NPEPL1: variants seen among roughly 807,000 people sequenced by gnomAD.
NPEPL1 encodes probable aminopeptidase NPEPL1.
In NPEPL1, 45 loss-of-function variants were observed where a neutral mutation model predicts 52.4. The ratio of observed to expected loss-of-function variants is 0.86; its 90% CI spans 0.68 to 1.10. NPEPL1 has a LOEUF of 1.10. Among genes scored for constraint, NPEPL1 ranks in the 50% least tolerant of loss-of-function variants. NPEPL1 has a pLI of 0.00. For missense variants in NPEPL1, 696 were observed against 710.9 expected (o/e 0.98, Z 0.24); for synonymous variants, 360 against 314.7 (o/e 1.14, Z -1.52).
chr20:58,711,093 T>TCCC (rs2084828591), intron 7 of NPEPL1: 1 of 22,768 alleles, frequency 4.4e-5, no homozygotes, highest in African/African-American at 5.4e-4. Context: ...CCGCCTCCTC[T>TCCC]CCTCCTCCTC....
chr20:58,691,364 C>CT (rs59929508), upstream of NPEPL1: 669 of 177,284 alleles, frequency 3.8e-3, 208 homozygotes, highest in East Asian at 5.4e-3. Flanking sequence ...CATTCAACAG[C>CT]TTTTTTTTTT....
chr20:58,712,101 C>CTG (rs1303260270), intron 7 of NPEPL1, among the ~76,000 whole-genome samples: 9 of 98,490 alleles, frequency 9.1e-5, no homozygotes, highest in South Asian at 3.8e-4. Flanking sequence ...TCCTGCCCCT[C>CTG]TGTGTGTGTA....
rs1415130673 is a variant in NPEPL1 at position 58,713,001 on chromosome 20, CAA to C, written c.1002-416_1002-415del. ...CTGAGGAGCAAGTGGCTCCAGAATT[CAA>C]AAGAGAAGAGCCCTCTCCCCAGCCC... On this transcript the variant is annotated intron_variant, in intron 8 of 11. Transcript: ENST00000356091. The surrounding 1 kb of genome is among the most constrained non-coding windows in gnomAD (Gnocchi z 4.6). The C allele has an allele frequency of 1.1e-5, 4 of 370,900 alleles. No individual in the cohort carries two copies. Among genetic ancestry groups the C allele is most frequent in the Admixed American group, 7.4e-5 (2 of 26,868 alleles). The allele number at this position is 370,900 out of a possible 1,614,324, so 23.0% of individuals were successfully genotyped here. A position where few individuals can be genotyped will look rare whatever the true frequency, so the allele number is the denominator to read the frequency against.
At chr20:58,698,912 G>A in intron 4 of NPEPL1, 139 bp downstream of exon 4, 1 of 730,782 alleles carries the variant, frequency 1.4e-6, no homozygotes, top group Non-Finnish European at 2.2e-6. Context: ...GCGGAGCGCT[G>A]CTGTCTGCCG....
chr20:58,691,693 C>CTTTTTTTTTTTTTTTTTTTGTTTTTT, upstream of NPEPL1: 1 of 561,314 alleles, frequency 1.8e-6, no homozygotes. Context: ...TTTTTCTTTT[C>CTTTTTTTTTTTTTTTTTTTGTTTTTT]TTTTTTTTTT....
intron 7 of NPEPL1, among the ~76,000 whole-genome samples, 175 bp downstream of exon 7, chr20:58,707,375 C>T (rs990410265): frequency 1.3e-5 from 2 of 152,240 alleles, no homozygotes; most frequent in Non-Finnish European, 2.9e-5. Flanking sequence ...AGCTTCCCGC[C>T]TTCATCAGAG....
intron 10 of NPEPL1, chr20:58,714,313 C>T (rs2084913551): frequency 3.2e-6 from 2 of 621,896 alleles, no homozygotes; most frequent in Admixed American, 6.5e-5. Context: ...GGTTTCTCCC[C>T]CAGTCTTGGG....
At chr20:58,696,523 G>A (rs1210295115) in intron 3 of NPEPL1, among the ~76,000 whole-genome samples, 2 of 152,258 alleles carry the variant, frequency 1.3e-5, no homozygotes, top group African/African-American at 2.4e-5. Context: ...GATGGAACCA[G>A]TGGGGGCAGT....
At chr20:58,698,517 G>A (rs2084538401) in intron 3 of NPEPL1, among the ~76,000 whole-genome samples, 167 bp from the exon 4 acceptor site, 2 of 152,144 alleles carry the variant, frequency 1.3e-5, no homozygotes, top group Admixed American at 1.3e-4. Context: ...GTTGCTGGGG[G>A]TGGGGCAGGC....
chr20:58,698,833 A>G (rs954695872), intron 4 of NPEPL1, 60 bp downstream of exon 4: 4 of 1,432,740 alleles, frequency 2.8e-6, no homozygotes, highest in East Asian at 2.3e-5. Flanking sequence ...ATAGACTCCC[A>G]GGAGAGCCAG....
intron 6 of NPEPL1, among the ~76,000 whole-genome samples, chr20:58,701,967 C>T (rs1421546640): frequency 6.6e-6 from 1 of 152,200 alleles, no homozygotes; most frequent in Non-Finnish European, 1.5e-5. Flanking sequence ...GCACCATCTC[C>T]ATCCATTCAT....
At chr20:58,691,447 A>G (rs1269033965), upstream of NPEPL1, 1 of 686,836 alleles carries the variant, frequency 1.5e-6, no homozygotes. Context: ...AAAACAACAA[A>G]AAGTCAAAAA....
At chr20:58,712,621 C>A in intron 8 of NPEPL1, 42 bp downstream of exon 8, 1 of 1,404,250 alleles carries the variant, frequency 7.1e-7, no homozygotes, top group South Asian at 1.2e-5. Context: ...ACTGTTGGAA[C>A]TCGCGACCCT....
At chr20:58,691,080 G>C (rs773741031), upstream of NPEPL1, 2 of 703,022 alleles carry the variant, frequency 2.8e-6, no homozygotes, top group South Asian at 1.5e-5. Flanking sequence ...CTTCGCCTGT[G>C]GAAGTCCTAT....
At chr20:58,701,223 C>G in intron 6 of NPEPL1, 65 bp downstream of exon 6, 1 of 683,564 alleles carries the variant, frequency 1.5e-6, no homozygotes. Context: ...GTGCAGGGCC[C>G]GGCTCTCCCG....
At chr20:58,691,370 T>TC, upstream of NPEPL1, 1 of 167,558 alleles carries the variant, frequency 6.0e-6, no homozygotes, top group South Asian at 5.6e-5. Flanking sequence ...ACAGCTTTTT[T>TC]TTTTTTTTTT....
rs1236240158 is a variant in NPEPL1, at chr20:58,694,430, CGAGCAGCCG to C, written c.349_357del (p.Gln117_Glu119del). On this transcript the variant is annotated inframe_deletion, in exon 3 of 12. Transcript: ENST00000356091. ...CTCCCTATGTGCCACAGATGGTCTG[CGAGCAGCCG>C]GAGGTCTTTGCTTCCGCCTGTGCCC... 3.1e-6 allele frequency: 5 copies of C among 1,608,356 alleles called. No individual in the cohort carries two copies. The highest frequency in any genetic ancestry group is 4.2e-6 in the Non-Finnish European group (5 of 1,177,182).
In NPEPL1 at chr20:58,698,721, C is replaced by G; in HGVS notation, c.545C>G (p.Ala182Gly). ...GCCACAGACGGCGTGCGGCTAGCAG[C>G]CCGCATCGTGGACACACCCTGCAAT... ...ANATDGVRLAARIVDTPCNEM... is the reference protein window; with the variant it reads ...ANATDGVRLAGRIVDTPCNEM... The change falls in exon 4 of 12, where the codon GCC becomes GGC. Residue 182 changes from alanine (A) to glycine (G), a missense_variant. Physicochemically the swap from Ala to Gly is moderately conservative, Grantham distance 60 (BLOSUM62 0). Coordinates refer to ENST00000356091, the MANE Select transcript of NPEPL1 (RefSeq NM_024663.4). 1 of 1,612,902 alleles carries G rather than the reference C, an allele frequency of 6.2e-7. No homozygotes were observed. Among genetic ancestry groups the G allele is most frequent in the Non-Finnish European group, 8.5e-7 (1 of 1,179,810 alleles).
In NPEPL1 at chr20:58,692,854, C is replaced by G; in HGVS notation, c.-47C>G. The G allele has an allele frequency of 1.0e-6, 1 of 983,718 alleles. No individual in the cohort carries two copies. 60.9% of individuals were successfully genotyped at this position (983,718 alleles called of 1,614,324 possible). ...GAGCGGGGCGAAGGGGGCCGAGCGG[C>G]GGGCCGGGCCGGGCCGGGCAGGGCC... is the stretch of plus-strand genomic sequence containing the variant. On this transcript the variant is annotated 5_prime_UTR_variant, in exon 1 of 12. Coordinates refer to ENST00000356091, the MANE Select transcript of NPEPL1 (RefSeq NM_024663.4). The surrounding 1 kb of genome is among the most constrained non-coding windows in gnomAD (Gnocchi z 5.7).
Sources: gnomAD v4.1 joint callset for allele counts (sites outside exome capture counted in the v4.1 genomes callset) on GRCh38, gnomAD v4.1.1 for gene constraint, Gnocchi (gnomAD v3.1) non-coding constraint, MANE v1.5 for transcripts, NCBI Gene and HGNC (gene_info 2026-07-23, HGNC 2026-07-21) for gene names.